Variants in GLYATL2 observed in about 807,000 individuals in gnomAD.
GLYATL2 encodes glycine N-acyltransferase-like protein 2.
Under a neutral mutation model 21.4 loss-of-function variants are expected in GLYATL2, and 25 were observed. The ratio of observed to expected loss-of-function variants is 1.17; its 90% CI spans 0.85 to 1.63. GLYATL2 has a LOEUF of 1.63. GLYATL2 is among the 40% of genes most tolerant of loss of function. GLYATL2 has a pLI of 0.00. For synonymous variants in GLYATL2, 114 were observed against 118.2 expected (o/e 0.96, Z 0.23); for missense variants, 361 against 343.3 (o/e 1.05, Z -0.41).
intron 1 of GLYATL2, among the ~76,000 whole-genome samples, chr11:58,865,676 T>C (rs1854011150): frequency 6.7e-6 from 1 of 148,896 alleles, no homozygotes; most frequent in Admixed American, 6.9e-5. Flanking sequence ...TTTCCTCTCT[T>C]TCAGAAAGTT....
chr11:58,872,749 G>A (rs1454537843), intron 1 of GLYATL2, among the ~76,000 whole-genome samples: 1 of 152,224 alleles, frequency 6.6e-6, no homozygotes, highest in Non-Finnish European at 1.5e-5. Context: ...TTTGGCTTAG[G>A]ATTGACTTGG....
At chr11:58,848,442 A>T (rs1853681847), upstream of GLYATL2, among the ~76,000 whole-genome samples, 1 of 152,238 alleles carries the variant, frequency 6.6e-6, no homozygotes, top group Non-Finnish European at 1.5e-5. Flanking sequence ...GGAAACTCAA[A>T]GAAACTTAAG....
In GLYATL2 at chr11:58,880,805, T is replaced by A. The variant is rs568755320; in HGVS notation, n.60+23351A>T. Among the ~76,000 whole-genome samples the A allele has an allele frequency of 5.9e-5, 9 of 152,346 alleles. No homozygotes were observed. The South Asian group carries it at 1.9e-3, about 32-fold the overall frequency. On this transcript the variant is annotated intron_variant and non_coding_transcript_variant, in intron 1 of 4. Transcript: ENST00000533636. The stretch of plus-strand genomic sequence containing the variant: ...TTCTGAGCTCTTGCAAAAGGATGCC[T>A]TTGTTTAAACATTGCTTCACCTAGC...
At chr11:58,898,470 C>T (rs1854671269) in intron 1 of GLYATL2, among the ~76,000 whole-genome samples, 1 of 128,180 alleles carries the variant, frequency 7.8e-6, no homozygotes, top group Admixed American at 9.5e-5. Context: ...TTTTAACTCA[C>T]TATTGTTTCC....
In GLYATL2 at chr11:58,840,149, C is replaced by T. The variant is rs1484132568; in HGVS notation, c.-40-497G>A. On this transcript the variant is annotated intron_variant, in intron 1 of 5. Transcript: ENST00000287275. ...GACTATATTGTGTGTAGTCCCTTTT[C>T]TCCTAAGGAACAAAACCATAGGAAG... Among the ~76,000 whole-genome samples, 6 of 152,050 alleles carry T rather than the reference C, an allele frequency of 3.9e-5. 1 individual carries two copies. The highest frequency in any genetic ancestry group is 1.4e-4 in the African/African-American group (6 of 41,484).
rs147890242 is a variant in GLYATL2 at position 58,869,701 on chromosome 11, G to A, written n.61-31333C>T. ...GAGCACTCAGAGATTAAGTAAATAA[G>A]TACAAAGTATTTTTCATGTTCATGT... On this transcript the variant is annotated intron_variant and non_coding_transcript_variant, in intron 1 of 4. Coordinates refer to the GLYATL2 transcript ENST00000533636. 2.3e-3 allele frequency among the ~76,000 whole-genome samples: 346 copies of A among 152,266 alleles called. 3 individuals carry two copies. Among genetic ancestry groups the A allele is most frequent in the African/African-American group, 7.0e-3 (289 of 41,572 alleles).
rs1462184186 is a variant in GLYATL2, at chr11:58,872,129, T to G, written n.60+32027A>C. 2.0e-5 allele frequency among the ~76,000 whole-genome samples: 3 copies of G among 152,216 alleles called. No individual in the cohort carries two copies. The East Asian group carries it at 5.8e-4, about 29-fold the overall frequency. On this transcript the variant is annotated intron_variant and non_coding_transcript_variant, in intron 1 of 4. Coordinates refer to the GLYATL2 transcript ENST00000533636. ...TCCTTCACCCATTTTTTGATGGGGTTGTTTGTTTGTTTTCTTGTAAATTTG... is the reference window on the plus strand; with the variant it reads ...TCCTTCACCCATTTTTTGATGGGGTGGTTTGTTTGTTTTCTTGTAAATTTG...
intron 1 of GLYATL2, among the ~76,000 whole-genome samples, chr11:58,861,374 A>G (rs778879749): frequency 3.3e-5 from 5 of 151,962 alleles, no homozygotes; most frequent in African/African-American, 1.2e-4. Context: ...TTGGCATATA[A>G]TTGGTCATAA....
intron 1 of GLYATL2, among the ~76,000 whole-genome samples, chr11:58,894,043 C>G (rs556034465): frequency 1.3e-5 from 2 of 152,276 alleles, no homozygotes; most frequent in Admixed American, 6.5e-5. Flanking sequence ...AGTGGGCTGG[C>G]CTTGTGGCCT....
chr11:58,889,915 T>C (rs1007948297), intron 1 of GLYATL2, among the ~76,000 whole-genome samples: 1 of 152,184 alleles, frequency 6.6e-6, no homozygotes, highest in Non-Finnish European at 1.5e-5. Flanking sequence ...AATTTAAATA[T>C]AAAATAATCT....
At chr11:58,843,605 C>T (rs1853591502) in intron 1 of GLYATL2, among the ~76,000 whole-genome samples, 1 of 151,784 alleles carries the variant, frequency 6.6e-6, no homozygotes, top group Non-Finnish European at 1.5e-5. Context: ...ACTGTAGCAT[C>T]CAGGAGAGAG....
intron 1 of GLYATL2, among the ~76,000 whole-genome samples, chr11:58,894,001 T>C (rs766494720): frequency 2.6e-5 from 4 of 152,160 alleles, no homozygotes; most frequent in Non-Finnish European, 2.9e-5. Context: ...CCTTTCATCA[T>C]TGTTATGCAG....
At chr11:58,865,408 A>T (rs1854006457) in intron 1 of GLYATL2, among the ~76,000 whole-genome samples, 2 of 149,164 alleles carry the variant, frequency 1.3e-5, no homozygotes, top group African/African-American at 4.8e-5. Flanking sequence ...AAGGAGAGAA[A>T]AGTTTCCAGA....
chr11:58,864,095 G>A (rs1853981224), intron 1 of GLYATL2, among the ~76,000 whole-genome samples: 1 of 152,192 alleles, frequency 6.6e-6, no homozygotes, highest in Admixed American at 6.5e-5. Flanking sequence ...CTGGCACCTA[G>A]GGTGGACTTG....
chr11:58,845,775 A>G (rs1398965818), upstream of GLYATL2, among the ~76,000 whole-genome samples: 1 of 152,222 alleles, frequency 6.6e-6, no homozygotes, highest in Admixed American at 6.5e-5. Context: ...TGTCTGGAAC[A>G]TGAGGCCAAA....
chr11:58,874,800 TA>T (rs1854195403), intron 1 of GLYATL2, among the ~76,000 whole-genome samples: 2 of 152,214 alleles, frequency 1.3e-5, no homozygotes, highest in African/African-American at 4.8e-5. Flanking sequence ...AGATGTCTAT[TA>T]AGTCTGCTTG....
chr11:58,898,997 AG>A (rs1348770946), intron 1 of GLYATL2, among the ~76,000 whole-genome samples: 2 of 152,156 alleles, frequency 1.3e-5, no homozygotes, highest in African/African-American at 4.8e-5. Context: ...TTTTACACTC[AG>A]GGGACTGATG....
intron 1 of GLYATL2, among the ~76,000 whole-genome samples, chr11:58,862,573 G>C (rs573647): frequency 0.89 from 135,031 of 152,178 alleles, 61,060 homozygotes; most frequent in Non-Finnish European, 0.98. Context: ...CTTTATTCTA[G>C]TCGATCAAAT....
intron 1 of GLYATL2, among the ~76,000 whole-genome samples, chr11:58,863,087 C>G (rs1349293960): frequency 6.6e-6 from 1 of 151,868 alleles, no homozygotes; most frequent in Non-Finnish European, 1.5e-5. Context: ...GTTCCTGGGT[C>G]TGTAGAGTGG....
Sources: gnomAD v4.1 joint callset for allele counts (sites outside exome capture counted in the v4.1 genomes callset) on GRCh38, gnomAD v4.1.1 for gene constraint, MANE v1.5 for transcripts, NCBI Gene and HGNC (gene_info 2026-07-23, HGNC 2026-07-21) for gene names.